The following ARB2A variants were observed in gnomAD, a reference collection of about 807,000 sequenced individuals.
ARB2A encodes ARB2 cotranscriptional regulator A, also known as cotranscriptional regulator ARB2A.
the ARB2A span, among the ~76,000 whole-genome samples, chr5:93,994,883 G>A: frequency 6.6e-6 from 1 of 151,608 alleles, no homozygotes; most frequent in Non-Finnish European, 1.5e-5. Context: ...TCCAGCCTGG[G>A]TGAAAGAGCA....
At chr5:93,850,085 T>C in the ARB2A span, among the ~76,000 whole-genome samples, 1 of 152,200 alleles carries the variant, frequency 6.6e-6, no homozygotes, top group African/African-American at 2.4e-5. Flanking sequence ...ATAATATAGC[T>C]AATGGAGTTT....
the ARB2A span, among the ~76,000 whole-genome samples, chr5:93,874,937 C>G: frequency 2.6e-5 from 4 of 152,056 alleles, no homozygotes; most frequent in Admixed American, 2.6e-4. Flanking sequence ...ATTTATTAGC[C>G]CTAAAGCCCC....
At chr5:94,099,851 G>A in the ARB2A span, among the ~76,000 whole-genome samples, 64 of 151,988 alleles carry the variant, frequency 4.2e-4, no homozygotes, top group African/African-American at 1.5e-3. Flanking sequence ...ATGGGCAAAA[G>A]CTGGAAGCAT....
the ARB2A span, among the ~76,000 whole-genome samples, chr5:93,652,723 C>T: frequency 2.0e-5 from 3 of 152,120 alleles, no homozygotes; most frequent in African/African-American, 7.2e-5. Context: ...GATTTAAAGG[C>T]TTCGATGTGC....
chr5:94,020,171 C>A, the ARB2A span, among the ~76,000 whole-genome samples: 1 of 151,470 alleles, frequency 6.6e-6, no homozygotes, highest in African/African-American at 2.4e-5. Flanking sequence ...GAACAGAAAA[C>A]CAAACACCAC....
the ARB2A span, among the ~76,000 whole-genome samples, chr5:93,930,883 A>G: frequency 6.6e-6 from 1 of 152,110 alleles, no homozygotes; most frequent in African/African-American, 2.4e-5. Context: ...GGTTTGTTAC[A>G]TAGGTATATG....
the ARB2A span, among the ~76,000 whole-genome samples, chr5:94,009,220 A>G: frequency 1.3e-5 from 2 of 152,160 alleles, no homozygotes; most frequent in Admixed American, 6.5e-5. Flanking sequence ...AAAGGATATT[A>G]TTCAGAAACA....
the ARB2A span, among the ~76,000 whole-genome samples, chr5:93,795,525 G>A: frequency 1.3e-5 from 2 of 152,104 alleles, no homozygotes; most frequent in Admixed American, 6.6e-5. Flanking sequence ...ATACATTCAT[G>A]ATGTGAGCCT....
the ARB2A span, among the ~76,000 whole-genome samples, chr5:94,092,165 G>A: frequency 7.1e-6 from 1 of 140,366 alleles, no homozygotes; most frequent in African/African-American, 2.6e-5. Context: ...ACAAAACCTT[G>A]TCTTTCCAAA....
chr5:93,961,055 T>C, the ARB2A span, among the ~76,000 whole-genome samples: 1 of 151,876 alleles, frequency 6.6e-6, no homozygotes, highest in African/African-American at 2.4e-5. Flanking sequence ...AAAGTAATGA[T>C]GATAAGAACA....
the ARB2A span, among the ~76,000 whole-genome samples, chr5:93,827,044 C>T: frequency 5.3e-5 from 8 of 151,888 alleles, no homozygotes; most frequent in East Asian, 3.9e-4. Context: ...TGAATAGTGC[C>T]GCAATAAACA....
chr5:93,768,513 A>ACT, the ARB2A span, among the ~76,000 whole-genome samples: 1 of 150,402 alleles, frequency 6.6e-6, no homozygotes, highest in Non-Finnish European at 1.5e-5. Context: ...TATAGTGTAT[A>ACT]TACATACATA....
At chr5:93,858,409 ATAATCAAAGGCCAGCT>A in the ARB2A span, among the ~76,000 whole-genome samples, 875 of 152,318 alleles carry the variant, frequency 5.7e-3, 8 homozygotes, top group Non-Finnish European at 0.01. Context: ...TTCCCAGATG[ATAATCAAAGGCCAGCT>A]TTGCAGGCAG....
At chr5:93,852,533 C>T in the ARB2A span, among the ~76,000 whole-genome samples, 1 of 152,068 alleles carries the variant, frequency 6.6e-6, no homozygotes, top group Non-Finnish European at 1.5e-5. Context: ...CTTGCCCATG[C>T]CTATGTCCTG....
the ARB2A span, among the ~76,000 whole-genome samples, chr5:93,945,591 G>A: frequency 6.6e-6 from 1 of 151,950 alleles, no homozygotes; most frequent in African/African-American, 2.4e-5. Flanking sequence ...TCTATGGAAT[G>A]GTTAAAAGAA....
At chr5:93,712,749 G>A in the ARB2A span, among the ~76,000 whole-genome samples, 1 of 152,074 alleles carries the variant, frequency 6.6e-6, no homozygotes, top group Non-Finnish European at 1.5e-5. Flanking sequence ...AATAGCCAAA[G>A]CCATCCCTAG....
the ARB2A span, among the ~76,000 whole-genome samples, chr5:93,744,589 C>G: frequency 6.6e-6 from 1 of 151,864 alleles, no homozygotes; most frequent in Non-Finnish European, 1.5e-5. Flanking sequence ...TGTGCATGTA[C>G]TGCCAAAAAG....
the ARB2A span, chr5:94,074,648 T>C: frequency 6.2e-7 from 1 of 1,610,728 alleles, no homozygotes; most frequent in Non-Finnish European, 8.5e-7. Context: ...GTATGTACCT[T>C]TCAGTGCGGT....
At chr5:94,097,804 C>T in the ARB2A span, among the ~76,000 whole-genome samples, 7 of 152,184 alleles carry the variant, frequency 4.6e-5, no homozygotes, top group East Asian at 7.7e-4. Context: ...TGCACATGCC[C>T]ACAACCTCCC....
Sources: allele counts gnomAD v4.1 joint callset (sites outside exome capture counted in the v4.1 genomes callset), GRCh38; gene constraint gnomAD v4.1.1; transcripts MANE v1.5; gene names NCBI Gene and HGNC (gene_info 2026-07-23, HGNC 2026-07-21).